CDK8: variants seen among roughly 807,000 people sequenced by gnomAD.
CDK8 encodes the protein cyclin-dependent kinase 8.
Under a neutral mutation model 71.5 loss-of-function variants are expected in CDK8, and 29 were observed. The observed-to-expected ratio is 0.41, with a 90% CI of 0.30 to 0.55. The LOEUF is 0.55. Ranked by LOEUF, CDK8 falls within the 20% of genes least tolerant of loss-of-function variation. The probability of loss-of-function intolerance (pLI) is 0.37; values close to 1 mark genes in which losing one functional copy is unlikely to be tolerated. For synonymous variants in CDK8, 161 were observed against 192.1 expected (o/e 0.84, Z 1.34); for missense variants, 288 against 572.6 (o/e 0.50, Z 5.07).
chr13:26,329,342 A>G (rs905415440), intron 1 of CDK8, among the ~76,000 whole-genome samples: 5 of 151,840 alleles, frequency 3.3e-5, no homozygotes, highest in Admixed American at 1.3e-4. Flanking sequence ...GTTTTCTTAC[A>G]CAACACATTT....
chr13:26,371,437 T>G (rs532981936), intron 4 of CDK8, among the ~76,000 whole-genome samples: 1 of 152,296 alleles, frequency 6.6e-6, no homozygotes, highest in East Asian at 1.9e-4. Flanking sequence ...TGGAGAACTA[T>G]CAGTCTGAAG....
chr13:26,256,277 T>C (rs1871522262), intron 1 of CDK8, among the ~76,000 whole-genome samples: 1 of 152,236 alleles, frequency 6.6e-6, no homozygotes, highest in African/African-American at 2.4e-5. Flanking sequence ...GTTGAAGTTT[T>C]ACTCTGTAAT....
intron 1 of CDK8, among the ~76,000 whole-genome samples, chr13:26,284,550 A>G (rs757502269): frequency 3.3e-5 from 5 of 152,116 alleles, no homozygotes; most frequent in East Asian, 1.9e-4. Flanking sequence ...GAAATATACT[A>G]CCCTACTAGA....
intron 1 of CDK8, among the ~76,000 whole-genome samples, chr13:26,258,365 A>G (rs566980857): frequency 6.6e-6 from 1 of 152,188 alleles, no homozygotes; most frequent in East Asian, 1.9e-4. Context: ...TATTTGCTTC[A>G]ATAAACTGGT....
intron 9 of CDK8, 100 bp from the exon 10 acceptor site, chr13:26,400,353 G>T: frequency 1.4e-6 from 1 of 723,966 alleles, no homozygotes. Context: ...TTTCCAAATT[G>T]TGATGTTATT....
chr13:26,305,844 C>T (rs1279013783), intron 1 of CDK8, among the ~76,000 whole-genome samples: 3 of 152,116 alleles, frequency 2.0e-5, no homozygotes, highest in Non-Finnish European at 4.4e-5. Context: ...AATTCTCAGT[C>T]TTTATCACAT....
At chr13:26,375,201 AG>A (rs1335282442) in intron 4 of CDK8, among the ~76,000 whole-genome samples, 2 of 152,192 alleles carry the variant, frequency 1.3e-5, no homozygotes, top group Non-Finnish European at 2.9e-5. Flanking sequence ...GAACGTTTAA[AG>A]TGATCATTGT....
intron 6 of CDK8, 127 bp from the exon 7 acceptor site, chr13:26,393,240 A>G (rs1004601353): frequency 3.3e-6 from 2 of 600,462 alleles, no homozygotes; most frequent in Non-Finnish European, 5.6e-6. Context: ...GGAAAGAAAG[A>G]AAAAAACACT....
At chr13:26,366,379 A>AT (rs771669992) in intron 4 of CDK8, among the ~76,000 whole-genome samples, 4 of 152,060 alleles carry the variant, frequency 2.6e-5, no homozygotes, top group East Asian at 1.9e-4. Flanking sequence ...AACATACAAT[A>AT]TTTTTTTTAA....
intron 4 of CDK8, among the ~76,000 whole-genome samples, chr13:26,362,948 A>C (rs1019642125): frequency 3.3e-5 from 5 of 151,880 alleles, no homozygotes; most frequent in African/African-American, 9.7e-5. Flanking sequence ...GTTTTACTAA[A>C]TGGCATATAA....
intron 1 of CDK8, among the ~76,000 whole-genome samples, chr13:26,336,790 G>A (rs544847109): frequency 6.4e-4 from 98 of 152,158 alleles, no homozygotes; most frequent in Non-Finnish European, 1.2e-3. Context: ...TCCTGACCTC[G>A]TGATCTGCCT....
rs1182506253 is a variant in CDK8 at position 26,401,513 on chromosome 13, C to T, written c.1158C>T (p.Gly386=). The T allele has an allele frequency of 1.2e-6, 2 of 1,614,142 alleles. No individual in the cohort carries two copies. Among genetic ancestry groups the T allele is most frequent in the South Asian group, 2.2e-5 (2 of 91,068 alleles). Residue 386 remains glycine, a synonymous_variant, in exon 12 of 13, where the codon GGC becomes GGT. Coordinates refer to ENST00000381527, the MANE Select transcript of CDK8 (RefSeq NM_001260.3). The surrounding 1 kb of genome is among the most constrained non-coding windows in gnomAD (Gnocchi z 4.5). The part of the protein sequence containing the change: ...QQGNNHTNGT[G]HPGNQDSSHT... ...GCAATAACCACACTAATGGAACTGG[C>T]CACCCAGGGAATCAAGACAGCAGTC...
chr13:26,384,171 TAAG>T (rs1875361876), intron 5 of CDK8, among the ~76,000 whole-genome samples: 1 of 152,222 alleles, frequency 6.6e-6, no homozygotes, highest in Non-Finnish European at 1.5e-5. Context: ...CATTCACATT[TAAG>T]AAGAAATACT....
chr13:26,321,071 C>A (rs1260907269), intron 1 of CDK8, among the ~76,000 whole-genome samples: 1 of 152,118 alleles, frequency 6.6e-6, no homozygotes, highest in East Asian at 1.9e-4. Flanking sequence ...TCCCTGTTTG[C>A]ATATATCATG....
intron 5 of CDK8, among the ~76,000 whole-genome samples, chr13:26,383,732 T>G (rs1054440611): frequency 3.3e-5 from 5 of 152,198 alleles, no homozygotes; most frequent in African/African-American, 1.2e-4. Context: ...CCTAATATTC[T>G]TCCTTATAAA....
chr13:26,282,689 G>A (rs967869054), intron 1 of CDK8, among the ~76,000 whole-genome samples: 4 of 152,126 alleles, frequency 2.6e-5, no homozygotes, highest in Admixed American at 6.6e-5. Flanking sequence ...CAAATAGCAC[G>A]ATGAATAAAA....
chr13:26,354,277 A>G (rs752097710), intron 4 of CDK8, among the ~76,000 whole-genome samples: 3 of 152,206 alleles, frequency 2.0e-5, no homozygotes, highest in Non-Finnish European at 2.9e-5. Context: ...GGAAAATGTT[A>G]ATTCAATATG....
intron 4 of CDK8, among the ~76,000 whole-genome samples, chr13:26,364,834 G>A (rs1296748450): frequency 6.6e-6 from 1 of 152,044 alleles, no homozygotes; most frequent in African/African-American, 2.4e-5. Context: ...AAAAGCAAGC[G>A]GAAAGGACCC....
intron 1 of CDK8, among the ~76,000 whole-genome samples, chr13:26,315,884 G>A (rs939559049): frequency 1.3e-5 from 2 of 152,214 alleles, no homozygotes; most frequent in African/African-American, 2.4e-5. Flanking sequence ...AGTTGCACTG[G>A]CGGAATCTGT....
Sources: allele counts gnomAD v4.1 joint callset (sites outside exome capture counted in the v4.1 genomes callset), GRCh38; gene constraint gnomAD v4.1.1; non-coding constraint Gnocchi (gnomAD v3.1); transcripts MANE v1.5; gene names NCBI Gene and HGNC (gene_info 2026-07-23, HGNC 2026-07-21).